Variants in GLIS3 observed in about 807,000 individuals in gnomAD.
The protein encoded by GLIS3 is GLIS family zinc finger 3, also known as zinc finger protein GLIS3.
GLIS3 carries 53 observed loss-of-function variants against 78.6 expected under a neutral mutation model. That is an observed-to-expected ratio of 0.67 (90% CI 0.54 to 0.85). The LOEUF is 0.85. Among genes scored for constraint, GLIS3 ranks in the 40% least tolerant of loss-of-function variants. The pLI is 0.00. For missense variants in GLIS3, 1,703 were observed against 1,231.1 expected, an observed-to-expected ratio of 1.38 and a Z score of -5.74; for synonymous variants, 684 against 509.9, an observed-to-expected ratio of 1.34 and a Z score of -4.60.
the GLIS3 span, among the ~76,000 whole-genome samples, chr9:4,369,354 A>G: frequency 1.3e-5 from 2 of 152,206 alleles, no homozygotes; most frequent in Admixed American, 1.3e-4. Context: ...AACCTGCCTG[A>G]TTCTCTCATC....
chr9:4,338,371 C>T (rs1207142350), intron 2 of GLIS3, among the ~76,000 whole-genome samples: 1 of 124,002 alleles, frequency 8.1e-6, no homozygotes. Context: ...TGTGTGTACA[C>T]ACACACACAC....
chr9:4,087,217 G>A (rs959345242), intron 4 of GLIS3, among the ~76,000 whole-genome samples: 5 of 152,214 alleles, frequency 3.3e-5, no homozygotes, highest in Admixed American at 1.3e-4. Context: ...GATGAGTACA[G>A]AGGTAGAACA....
intron 7 of GLIS3, among the ~76,000 whole-genome samples, chr9:3,883,112 G>T (rs959279507): frequency 6.6e-6 from 1 of 152,152 alleles, no homozygotes; most frequent in African/African-American, 2.4e-5. Context: ...ACAACACTCT[G>T]GAGTCAGAGA....
At chr9:3,932,260 G>A (rs112644808) in intron 6 of GLIS3, 100 bp downstream of exon 6, 3 of 874,284 alleles carry the variant, frequency 3.4e-6, no homozygotes, top group Non-Finnish European at 5.8e-6. Context: ...GTTATACCAT[G>A]AGAAGTATAA....
chr9:4,450,978 G>C, the GLIS3 span, among the ~76,000 whole-genome samples: 1 of 152,142 alleles, frequency 6.6e-6, no homozygotes, highest in African/African-American at 2.4e-5. Context: ...CATAACGACA[G>C]CATCAAATTC....
intron 2 of GLIS3, among the ~76,000 whole-genome samples, chr9:4,260,338 G>T (rs975341067): frequency 6.6e-6 from 1 of 152,066 alleles, no homozygotes; most frequent in Non-Finnish European, 1.5e-5. Flanking sequence ...AGGCCGAGGT[G>T]GGTCGATCAC....
intron 6 of GLIS3, among the ~76,000 whole-genome samples, chr9:3,931,274 T>C (rs1825593144): frequency 2.0e-5 from 3 of 152,062 alleles, no homozygotes; most frequent in Non-Finnish European, 2.9e-5. Flanking sequence ...GTGCTAACAC[T>C]TCTCAAGGAA....
At chr9:4,019,357 T>C (rs1382366215) in intron 4 of GLIS3, among the ~76,000 whole-genome samples, 1 of 152,144 alleles carries the variant, frequency 6.6e-6, no homozygotes. Context: ...GAGGTAGGAA[T>C]AGACACCACA....
chr9:4,184,618 C>T (rs1817608544), intron 2 of GLIS3, among the ~76,000 whole-genome samples: 1 of 152,120 alleles, frequency 6.6e-6, no homozygotes, highest in African/African-American at 2.4e-5. Context: ...AAAAGAGCAC[C>T]CAACCCAGGT....
chr9:4,010,442 C>A (rs1174608266), intron 4 of GLIS3, among the ~76,000 whole-genome samples: 18 of 152,176 alleles, frequency 1.2e-4, no homozygotes, highest in Admixed American at 7.2e-4. Flanking sequence ...CCCAGGAATA[C>A]TCCATATCTC....
At chr9:4,252,225 G>A (rs567074606) in intron 2 of GLIS3, among the ~76,000 whole-genome samples, 18 of 152,202 alleles carry the variant, frequency 1.2e-4, no homozygotes, top group East Asian at 3.9e-4. Context: ...CATTCTCCCC[G>A]TCACTTTCAG....
intron 4 of GLIS3, among the ~76,000 whole-genome samples, chr9:4,065,639 A>T (rs1827033815): frequency 6.6e-6 from 1 of 152,226 alleles, no homozygotes; most frequent in South Asian, 2.1e-4. Flanking sequence ...CCAGAAAAAA[A>T]ATAAGTAGCA....
At chr9:4,224,082 G>C (rs796304898) in intron 2 of GLIS3, among the ~76,000 whole-genome samples, 8 of 151,658 alleles carry the variant, frequency 5.3e-5, no homozygotes, top group African/African-American at 1.9e-4. Flanking sequence ...TATTTATACT[G>C]AGACAAAGAA....
At chr9:4,066,815 T>C (rs992071083) in intron 4 of GLIS3, among the ~76,000 whole-genome samples, 3 of 152,206 alleles carry the variant, frequency 2.0e-5, no homozygotes, top group Admixed American at 6.5e-5. Flanking sequence ...CTTGCTTTCA[T>C]TGCACTGCTG....
At chr9:4,110,553 C>A (rs1217185163) in intron 4 of GLIS3, among the ~76,000 whole-genome samples, 1 of 152,110 alleles carries the variant, frequency 6.6e-6, no homozygotes, top group Non-Finnish European at 1.5e-5. Context: ...ACTTTCTCAC[C>A]AAACCCCTAT....
chr9:4,104,290 C>T lies in GLIS3; in HGVS notation c.1710+13478G>A, dbSNP rs545479770. 3.3e-5 allele frequency among the ~76,000 whole-genome samples: 5 copies of T among 152,244 alleles called. No homozygotes were observed. In the South Asian group the frequency reaches 1.0e-3, roughly 32 times the overall value. ...CCTATCTCAGTTAAAGATAACCCCC[C>T]TCCTTCCAGGTGCATGAACCAAACC... is the stretch of plus-strand genomic sequence containing the variant. On this transcript the variant is annotated intron_variant, in intron 4 of 10. Coordinates refer to ENST00000381971, the MANE Select transcript of GLIS3 (RefSeq NM_001042413.2).
chr9:3,987,514 C>T (rs1819838671), intron 4 of GLIS3, among the ~76,000 whole-genome samples: 1 of 151,416 alleles, frequency 6.6e-6, no homozygotes, highest in African/African-American at 2.4e-5. Flanking sequence ...CCAGCCTGGC[C>T]AACATGGTGA....
intron 6 of GLIS3, among the ~76,000 whole-genome samples, chr9:3,924,550 G>A (rs892476618): frequency 1.3e-5 from 2 of 152,144 alleles, no homozygotes; most frequent in South Asian, 2.1e-4. Context: ...GCTTATCCAC[G>A]CCCTTGTGTG....
At chr9:4,116,302 T>C (rs777637610) in intron 4 of GLIS3, among the ~76,000 whole-genome samples, 12 of 152,234 alleles carry the variant, frequency 7.9e-5, no homozygotes, top group Non-Finnish European at 1.8e-4. Context: ...CCAGAGTAAA[T>C]TGAATTGCCT....
Sources: allele counts gnomAD v4.1 joint callset (sites outside exome capture counted in the v4.1 genomes callset), GRCh38; gene constraint gnomAD v4.1.1; transcripts MANE v1.5; gene names NCBI Gene and HGNC (gene_info 2026-07-23, HGNC 2026-07-21).